The following RBMS1 variants were observed in gnomAD, a reference collection of about 807,000 sequenced individuals.
The protein encoded by RBMS1 is RNA binding motif single stranded interacting protein 1.
Under a neutral mutation model 62.3 loss-of-function variants are expected in RBMS1, and 17 were observed. The ratio of observed to expected loss-of-function variants is 0.27; its 90% CI spans 0.19 to 0.41. The LOEUF is 0.41. RBMS1 is among the 10% of genes least tolerant of loss of function. The pLI, the probability that RBMS1 is intolerant of heterozygous loss-of-function variation, is 1.00. For synonymous variants in RBMS1, 172 were observed against 170.0 expected, an observed-to-expected ratio of 1.01 and a Z score of -0.09; for missense variants, 334 against 504.5, an observed-to-expected ratio of 0.66 and a Z score of 3.24.
intron 1 of RBMS1, among the ~76,000 whole-genome samples, chr2:160,440,693 T>A (rs1683376348): frequency 1.3e-5 from 2 of 152,132 alleles, no homozygotes; most frequent in Admixed American, 6.5e-5. Flanking sequence ...TGACTCGAGG[T>A]CACTCTCTGT....
At chr2:160,415,853 C>A (rs1272725296) in intron 1 of RBMS1, among the ~76,000 whole-genome samples, 1 of 151,784 alleles carries the variant, frequency 6.6e-6, no homozygotes, top group African/African-American at 2.4e-5. Flanking sequence ...GAGGAGGATG[C>A]TAGAATAATT....
At chr2:160,337,143 T>C (rs1691623138) in intron 2 of RBMS1, among the ~76,000 whole-genome samples, 2 of 150,758 alleles carry the variant, frequency 1.3e-5, no homozygotes, top group Non-Finnish European at 3.0e-5. Context: ...TTCTTTTTTT[T>C]TTTTTTTTGA....
chr2:160,387,260 A>C (rs975642762), intron 1 of RBMS1, among the ~76,000 whole-genome samples: 8 of 152,090 alleles, frequency 5.3e-5, no homozygotes, highest in African/African-American at 1.9e-4. Flanking sequence ...ATGGGAAAAG[A>C]CTGAGGCAAG....
At chr2:160,326,761 G>C (rs531220283) in intron 2 of RBMS1, among the ~76,000 whole-genome samples, 74 of 152,268 alleles carry the variant, frequency 4.9e-4, no homozygotes, top group Non-Finnish European at 8.4e-4. Flanking sequence ...CGAGACGGAG[G>C]GGGTGAATGG....
chr2:160,406,672 T>A (rs998620687), intron 1 of RBMS1, among the ~76,000 whole-genome samples: 3 of 152,216 alleles, frequency 2.0e-5, no homozygotes, highest in Admixed American at 2.0e-4. Flanking sequence ...AAAGGCTCTG[T>A]GAGATGTATC....
intron 2 of RBMS1, among the ~76,000 whole-genome samples, chr2:160,331,775 T>C (rs1401082331): frequency 1.3e-5 from 2 of 152,156 alleles, no homozygotes; most frequent in African/African-American, 2.4e-5. Flanking sequence ...TACCGATGCT[T>C]ACCTAGAAAA....
intron 1 of RBMS1, among the ~76,000 whole-genome samples, chr2:160,422,524 A>C (rs923877850): frequency 2.0e-5 from 3 of 152,154 alleles, no homozygotes; most frequent in African/African-American, 7.2e-5. Flanking sequence ...TCTCATTTTC[A>C]GACCTGGAAA....
intron 1 of RBMS1, among the ~76,000 whole-genome samples, chr2:160,396,987 T>A (rs780674875): frequency 6.6e-6 from 1 of 152,222 alleles, no homozygotes; most frequent in South Asian, 2.1e-4. Context: ...TCATTGTCTT[T>A]CTTGATTTCA....
At chr2:160,340,469 C>G (rs1691809899) in intron 2 of RBMS1, among the ~76,000 whole-genome samples, 1 of 152,046 alleles carries the variant, frequency 6.6e-6, no homozygotes, top group African/African-American at 2.4e-5. Context: ...AACACGCTAG[C>G]ATACCTCAGG....
At chr2:160,346,061 C>T (rs62177304) in intron 2 of RBMS1, among the ~76,000 whole-genome samples, 11,532 of 152,148 alleles carry the variant, frequency 0.076, 618 homozygotes, top group South Asian at 0.19. Flanking sequence ...TTCCCCAAAT[C>T]TTGGAAGCCT....
intron 10 of RBMS1, 136 bp from the exon 11 acceptor site, chr2:160,278,794 T>C (rs1385870299): frequency 1.6e-6 from 1 of 608,228 alleles, no homozygotes; most frequent in Non-Finnish European, 2.9e-6. Context: ...ATCTTGCAAA[T>C]GGCATCATAA....
At chr2:160,493,246 G>C (rs1685932190) in intron 1 of RBMS1, 43 bp downstream of exon 1, 8 of 1,585,516 alleles carry the variant, frequency 5.0e-6, no homozygotes, top group Non-Finnish European at 6.9e-6. Flanking sequence ...CGCGTCCCCG[G>C]GCCCCCTCCT....
intron 1 of RBMS1, among the ~76,000 whole-genome samples, chr2:160,392,414 A>C (rs1694911392): frequency 1.3e-5 from 2 of 151,274 alleles, no homozygotes; most frequent in Admixed American, 6.6e-5. Flanking sequence ...TGTGACAGAG[A>C]CCTTATGGCC....
Position 160,493,757 on chromosome 2 carries a change from A to C in RBMS1, c.-394T>G. On this transcript the variant is annotated 5_prime_UTR_variant, in exon 1 of 14. Transcript: ENST00000348849. ...TGCGCGGGGCTGAGAGGTGATCAATACAAGTGGAAAGTGCGGCAGCGGCGG... is the reference window on the plus strand; with the variant it reads ...TGCGCGGGGCTGAGAGGTGATCAATCCAAGTGGAAAGTGCGGCAGCGGCGG... 3.4e-5 allele frequency: 7 copies of C among 204,216 alleles called. No homozygotes were observed. Among genetic ancestry groups the C allele is most frequent in the East Asian group, 1.5e-4 (1 of 6,688 alleles). The allele number at this position is 204,216 out of a possible 1,614,324, so 12.7% of individuals were successfully genotyped here.
At chr2:160,404,735 T>C (rs938502860) in intron 1 of RBMS1, among the ~76,000 whole-genome samples, 4 of 152,226 alleles carry the variant, frequency 2.6e-5, no homozygotes, top group African/African-American at 9.6e-5. Flanking sequence ...ATATCAATGC[T>C]GCTTCCAAAC....
chr2:160,473,161 C>T (rs1245836588), intron 1 of RBMS1, among the ~76,000 whole-genome samples: 3 of 152,182 alleles, frequency 2.0e-5, no homozygotes, highest in African/African-American at 7.2e-5. Flanking sequence ...GTGCAGATTG[C>T]TCTGTCACGT....
intron 1 of RBMS1, among the ~76,000 whole-genome samples, chr2:160,461,417 G>A (rs1307470584): frequency 3.3e-5 from 5 of 152,230 alleles, no homozygotes; most frequent in Admixed American, 6.5e-5. Context: ...CAGGGTGGCC[G>A]TGGCCTTGCC....
chr2:160,336,713 A>G (rs1691590199), intron 2 of RBMS1, among the ~76,000 whole-genome samples: 1 of 152,116 alleles, frequency 6.6e-6, no homozygotes, highest in African/African-American at 2.4e-5. Flanking sequence ...TAAGTATTTG[A>G]AATCCAGTGT....
chr2:160,412,580 T>C (rs149321882), intron 1 of RBMS1, among the ~76,000 whole-genome samples: 1 of 152,320 alleles, frequency 6.6e-6, no homozygotes, highest in East Asian at 1.9e-4. Context: ...TGAGTACTTG[T>C]AAACCATAGA....
Sources: gnomAD v4.1 joint callset for allele counts (sites outside exome capture counted in the v4.1 genomes callset) on GRCh38, gnomAD v4.1.1 for gene constraint, MANE v1.5 for transcripts, NCBI Gene and HGNC (gene_info 2026-07-23, HGNC 2026-07-21) for gene names.